The following SMARCAL1 variants were observed in gnomAD, a reference collection of about 807,000 sequenced individuals.
SMARCAL1 encodes the protein ATP-driven annealing helicase.
In SMARCAL1, 58 loss-of-function variants were observed where a neutral mutation model predicts 94.5. The ratio of observed to expected loss-of-function variants is 0.61; its 90% CI spans 0.50 to 0.76. The LOEUF is 0.76. SMARCAL1 is among the 30% of genes least tolerant of loss of function. The probability of loss-of-function intolerance (pLI) is 0.00; values close to 1 mark genes in which losing one functional copy is unlikely to be tolerated. For missense variants in SMARCAL1, 1,051 were observed against 1,177.9 expected, an observed-to-expected ratio of 0.89 and a Z score of 1.58; for synonymous variants, 422 against 455.1, an observed-to-expected ratio of 0.93 and a Z score of 0.93.
chr2:216,479,432 C>CAA lies in SMARCAL1; in HGVS notation c.2625+1145_2625+1146dup, dbSNP rs532759698. On this transcript the variant is annotated intron_variant, in intron 17 of 17. Coordinates refer to ENST00000357276, the MANE Select transcript of SMARCAL1 (RefSeq NM_014140.4). ...TGGGCAACAGAGCAAGAGCCTGCCT[C>CAA]AAAAAAAAAAAAAGAGAAAGAAAAA... Among the ~76,000 whole-genome samples the CAA allele has an allele frequency of 9.0e-3, 1,085 of 120,584 alleles. 5 individuals carry two copies. The highest frequency in any genetic ancestry group is 0.014 in the Admixed American group (165 of 11,564). The allele number at this position is 120,584 out of a possible 152,430, so 79.1% of individuals were successfully genotyped here.
intron 5 of SMARCAL1, among the ~76,000 whole-genome samples, chr2:216,421,018 G>A (rs1419597683): frequency 6.6e-6 from 1 of 152,122 alleles, no homozygotes; most frequent in African/African-American, 2.4e-5. Context: ...CCAAACTTTT[G>A]CGTTTCTCAC....
intron 12 of SMARCAL1, among the ~76,000 whole-genome samples, 182 bp from the exon 13 acceptor site, chr2:216,464,415 C>T (rs1430026344): frequency 6.6e-6 from 1 of 152,156 alleles, no homozygotes. Context: ...GGACAAAACC[C>T]GACCCAGGCA....
intron 8 of SMARCAL1, among the ~76,000 whole-genome samples, chr2:216,434,700 C>T (rs1472460624): frequency 1.3e-5 from 2 of 151,786 alleles, no homozygotes; most frequent in East Asian, 1.9e-4. Context: ...AAGAAATTAG[C>T]CAAGTATGGT....
chr2:216,427,249 CGTT>C (rs1574452688), intron 6 of SMARCAL1: 1 of 152,216 alleles, frequency 6.6e-6, no homozygotes, highest in Non-Finnish European at 1.5e-5. Context: ...TAGAGACAGT[CGTT>C]GTCAGGGAAT....
chr2:216,470,629 A>G (rs1694943804), intron 14 of SMARCAL1, among the ~76,000 whole-genome samples: 1 of 151,688 alleles, frequency 6.6e-6, no homozygotes, highest in Admixed American at 6.6e-5. Flanking sequence ...CTGGGACCTC[A>G]GGAATGTACC....
rs183069183 is a variant in SMARCAL1, at chr2:216,455,935, G to T, written c.2070+4871G>T. ...GGAGGAAGTTTGAACCCATCGCAAAGAAGTTAAAAACCTTGAAAAAAGATT... is the reference window on the plus strand; with the variant it reads ...GGAGGAAGTTTGAACCCATCGCAAATAAGTTAAAAACCTTGAAAAAAGATT... On this transcript the variant is annotated intron_variant, in intron 12 of 17. Transcript: ENST00000357276. Among the ~76,000 whole-genome samples the T allele has an allele frequency of 3.9e-5, 6 of 152,300 alleles. No individual in the cohort carries two copies. In the East Asian group the frequency reaches 1.2e-3, roughly 29 times the overall value.
At chr2:216,415,806 A>G (rs1378373501) in intron 3 of SMARCAL1, 1 of 481,670 alleles carries the variant, frequency 2.1e-6, no homozygotes, top group Non-Finnish European at 3.7e-6. Flanking sequence ...GCTGAACAGC[A>G]GTTTTTTTGA....
Position 216,428,721 on chromosome 2 carries a change from C to T in SMARCAL1, c.1273C>T (p.Leu425Phe). The T allele has an allele frequency of 6.2e-7, 1 of 1,614,198 alleles. No individual in the cohort carries two copies. The highest frequency in any genetic ancestry group is 8.5e-7 in the Non-Finnish European group (1 of 1,180,032). ...CACGCCAGATGTCCCAGAGGCAGAC[C>T]TTTCTGAAGTGGACCCCAAGCTCGT... is the stretch of plus-strand genomic sequence containing the variant. ...SLTPDVPEAD[L>F]SEVDPKLVSN... The change falls in exon 7 of 18, where the codon CTT (leucine) becomes TTT (phenylalanine). Residue 425 changes from leucine to phenylalanine, a missense_variant. This residue lies in a region of SMARCAL1 where 642 missense variants were observed against 754.7 expected (regional missense o/e 0.85). Transcript: ENST00000357276.
intron 12 of SMARCAL1, among the ~76,000 whole-genome samples, chr2:216,457,678 A>C (rs984177867): frequency 6.6e-6 from 1 of 152,248 alleles, no homozygotes; most frequent in Admixed American, 6.5e-5. Context: ...TCTGGGACAC[A>C]TTTAAAGCAG....
intron 12 of SMARCAL1, among the ~76,000 whole-genome samples, chr2:216,463,459 C>T (rs1342415998): frequency 6.6e-6 from 1 of 152,070 alleles, no homozygotes; most frequent in African/African-American, 2.4e-5. Flanking sequence ...TAAGCATCTC[C>T]CAGATGCCCC....
At chr2:216,467,213 G>A (rs571904273) in intron 13 of SMARCAL1, among the ~76,000 whole-genome samples, 1 of 152,268 alleles carries the variant, frequency 6.6e-6, no homozygotes, top group South Asian at 2.1e-4. Flanking sequence ...GCTCACGCCT[G>A]TAATCTCAGC....
Position 216,426,904 on chromosome 2 carries a change from A to G in SMARCAL1, c.1148-1692A>G, listed in dbSNP as rs573698202. Among the ~76,000 whole-genome samples the G allele has an allele frequency of 3.3e-5, 5 of 152,330 alleles. No homozygotes were observed. In the South Asian group the frequency reaches 1.0e-3, roughly 32 times the overall value. ...TGCATAGGAAACTGATGAAGAAATG[A>G]CAATAAGACCTGAGTACGTGAATGC... On this transcript the variant is annotated intron_variant, in intron 6 of 17. Coordinates refer to ENST00000357276, the MANE Select transcript of SMARCAL1 (RefSeq NM_014140.4).
Position 216,482,262 on chromosome 2 carries a change from G to C in SMARCAL1, c.2626-476G>C, listed in dbSNP as rs1365070313. 6.6e-6 allele frequency among the ~76,000 whole-genome samples: 1 copy of C among 151,744 alleles called. No homozygotes were observed. Among genetic ancestry groups the C allele is most frequent in the Non-Finnish European group, 1.5e-5 (1 of 67,970 alleles). ...GAGCTCAGGAGTTCGAGACCAGCCT[G>C]GGCAACATTTAGTGAGATCCCATCT... is the stretch of plus-strand genomic sequence containing the variant. On this transcript the variant is annotated intron_variant, in intron 17 of 17. Coordinates refer to ENST00000357276, the MANE Select transcript of SMARCAL1 (RefSeq NM_014140.4). This position sits in a 1 kb window ranked among gnomAD's most constrained non-coding sequence, Gnocchi z 4.3.
In SMARCAL1 at chr2:216,482,811, T is replaced by C. The variant is rs572658323; in HGVS notation, c.2699T>C (p.Leu900Pro). The C allele has an allele frequency of 3.1e-6, 5 of 1,614,186 alleles. No individual in the cohort carries two copies. Among genetic ancestry groups the C allele is most frequent in the Non-Finnish European group, 3.4e-6 (4 of 1,180,024 alleles). Reference sequence around the variant, plus strand: ...AAAGAAGGAAGTGATATGGAGCTCCTGGAAGCAGCAGAGTCCTTTGACCCA... The same window carrying C: ...AAAGAAGGAAGTGATATGGAGCTCCCGGAAGCAGCAGAGTCCTTTGACCCA... Reference protein sequence around the residue: ...FEKEGSDMELLEAAESFDPGS... With the variant: ...FEKEGSDMELPEAAESFDPGS... The change falls in exon 18 of 18, where the codon CTG (leucine) becomes CCG (proline). Residue 900 changes from leucine to proline, a missense_variant. Physicochemically the swap from Leu to Pro is moderately conservative, Grantham distance 98. Coordinates refer to ENST00000357276, the MANE Select transcript of SMARCAL1 (RefSeq NM_014140.4). The surrounding 1 kb of genome is among the most constrained non-coding windows in gnomAD (Gnocchi z 4.3).
intron 3 of SMARCAL1, chr2:216,415,920 A>G: frequency 2.4e-6 from 1 of 409,264 alleles, no homozygotes; most frequent in Non-Finnish European, 4.6e-6. Flanking sequence ...TCAGGATGTG[A>G]CTAGCTCAAT....
chr2:216,419,134 T>A (rs567266374), intron 4 of SMARCAL1, among the ~76,000 whole-genome samples: 22 of 152,372 alleles, frequency 1.4e-4, no homozygotes, highest in African/African-American at 5.3e-4. Context: ...TTCCCAGAAG[T>A]TGAATCATTA....
chr2:216,416,452 C>G (rs1693605705), intron 4 of SMARCAL1, 145 bp downstream of exon 4: 3 of 734,660 alleles, frequency 4.1e-6, no homozygotes, highest in Admixed American at 1.9e-5. Flanking sequence ...CCTTCCCACT[C>G]TGTCTAGCCT....
In SMARCAL1 at chr2:216,428,615, C is replaced by T; in HGVS notation, c.1167C>T (p.Leu389=). 6 of 1,613,978 alleles carry T rather than the reference C, an allele frequency of 3.7e-6. No homozygotes were observed. The highest frequency in any genetic ancestry group is 2.2e-5 in the East Asian group (1 of 44,882). Residue 389 remains leucine, a synonymous_variant, in exon 7 of 18, where the codon CTC becomes CTT. Coordinates refer to ENST00000357276, the MANE Select transcript of SMARCAL1 (RefSeq NM_014140.4). ...TTTCAGTTGCAAAGGTGCGCTGCCT[C>T]CCACAAGTTCAGCTGGACCCTCTGC... ...HSKLIAKVRC[L]PQVQLDPLPT... is the part of the protein sequence containing the mutation.
chr2:216,465,946 T>C (rs905008512), intron 13 of SMARCAL1, among the ~76,000 whole-genome samples: 2 of 152,210 alleles, frequency 1.3e-5, no homozygotes, highest in African/African-American at 2.4e-5. Flanking sequence ...TGCCCAGTGC[T>C]GGCCTCCTCC....
Sources: allele counts gnomAD v4.1 joint callset (sites outside exome capture counted in the v4.1 genomes callset), GRCh38; gene constraint gnomAD v4.1.1; regional missense constraint gnomAD v4.1.1; non-coding constraint Gnocchi (gnomAD v3.1); transcripts MANE v1.5; gene names NCBI Gene and HGNC (gene_info 2026-07-23, HGNC 2026-07-21).